Variants in GRM4 observed in about 807,000 individuals in gnomAD.
The protein encoded by GRM4 is glutamate metabotropic receptor 4.
A neutral mutation model predicts 81.7 loss-of-function variants in GRM4; 28 were observed. The ratio of observed to expected loss-of-function variants is 0.34; its 90% CI spans 0.25 to 0.47. GRM4 has a LOEUF of 0.47. Among genes scored for constraint, GRM4 ranks in the 20% least tolerant of loss-of-function variants. The pLI is 1.00. For missense variants in GRM4, 948 were observed against 1,290.0 expected (o/e 0.73, Z 4.06); for synonymous variants, 488 against 528.8 (o/e 0.92, Z 1.06).
rs1425246824 is a variant in GRM4, at chr6:34,114,767, C to T, written c.519+18211G>A. On this transcript the variant is annotated intron_variant, in intron 2 of 10. Transcript: ENST00000538487. The surrounding 1 kb of genome is among the most constrained non-coding windows in gnomAD (Gnocchi z 4.3). ...CCCTAGACCCTCACCTGTACCCCCT[C>T]ACAGCCCTCCCATACCCCAGTTTGA... Among the ~76,000 whole-genome samples, 2 of 152,184 alleles carry T rather than the reference C, an allele frequency of 1.3e-5. No homozygotes were observed. The highest frequency in any genetic ancestry group is 4.8e-5 in the African/African-American group (2 of 41,424).
At chr6:34,103,882 CAGAAGCCTGGGGAG>C in intron 2 of GRM4, 3 of 1,396,074 alleles carry the variant, frequency 2.1e-6, no homozygotes, top group Non-Finnish European at 2.8e-6. Flanking sequence ...ATGAGTGTTA[CAGAAGCCTGGGGAG>C]AGGGGAGGAA....
In GRM4 at chr6:34,145,429, A is replaced by T. The variant is rs903476191; in HGVS notation, c.-364+571T>A. Among the ~76,000 whole-genome samples the T allele has an allele frequency of 3.3e-5, 5 of 152,184 alleles. No homozygotes were observed. In the South Asian group the frequency reaches 1.0e-3, roughly 31 times the overall value. On this transcript the variant is annotated intron_variant, in intron 1 of 10. Transcript: ENST00000538487. ...AGCCGGAAGGAGCGGGAGAGGCGGC[A>T]AGAGGAGCTGGGTCTGGCCGAGAGC...
chr6:34,043,858 G>A (rs1765130672), intron 6 of GRM4, among the ~76,000 whole-genome samples: 1 of 152,146 alleles, frequency 6.6e-6, no homozygotes. Context: ...TAGGCCTCGG[G>A]TGCTGCCCTT....
At chr6:34,065,234 CAA>C (rs917671455) in intron 3 of GRM4, among the ~76,000 whole-genome samples, 1 of 152,116 alleles carries the variant, frequency 6.6e-6, no homozygotes, top group African/African-American at 2.4e-5. Flanking sequence ...GCTACAGACC[CAA>C]AGTCACACCA....
intron 6 of GRM4, among the ~76,000 whole-genome samples, chr6:34,044,392 A>G (rs763781170): frequency 2.6e-4 from 40 of 152,094 alleles, no homozygotes; most frequent in Admixed American, 6.5e-4. Flanking sequence ...ATAGACATAC[A>G]TACATACACA....
Position 34,068,158 on chromosome 6 carries a change from G to A in GRM4, c.737-6130C>T, listed in dbSNP as rs995895482. 6.6e-6 allele frequency among the ~76,000 whole-genome samples: 1 copy of A among 151,462 alleles called. No homozygotes were observed. Among genetic ancestry groups the A allele is most frequent in the African/African-American group, 2.4e-5 (1 of 40,970 alleles). On this transcript the variant is annotated intron_variant, in intron 3 of 10. Transcript: ENST00000538487. This position sits in a 1 kb window ranked among gnomAD's most constrained non-coding sequence, Gnocchi z 4.2. ...GCAGCATGACGTGCTGGAGGGAGAC[G>A]GGGGGGCTGCATCCCCTCAGCCCAC...
At position 34,070,015 on chromosome 6, in the gene GRM4, G is replaced by A. The variant is rs140155737; in HGVS notation, c.737-7987C>T. Among the ~76,000 whole-genome samples, 250 of 152,320 alleles carry A rather than the reference G, an allele frequency of 1.6e-3. No homozygotes were observed. Among genetic ancestry groups the A allele is most frequent in the Non-Finnish European group, 2.6e-3 (175 of 68,024 alleles). ...CGGCGGTAATCCACACTTGCTGGACGAATGGAGAACTGAGTTCCTGACTGA... is the reference window on the plus strand; with the variant it reads ...CGGCGGTAATCCACACTTGCTGGACAAATGGAGAACTGAGTTCCTGACTGA... On this transcript the variant is annotated intron_variant, in intron 3 of 10. Transcript: ENST00000538487. The surrounding 1 kb of genome is among the most constrained non-coding windows in gnomAD (Gnocchi z 4.6).
chr6:34,028,637 G>A (rs1042330026), intron 9 of GRM4, among the ~76,000 whole-genome samples: 16 of 152,202 alleles, frequency 1.1e-4, no homozygotes, highest in African/African-American at 3.9e-4. Context: ...ACCTCCTAGG[G>A]CTGTTGTGAG....
rs538691952 is a variant in GRM4 at position 34,020,141 on chromosome 6, G to A, written c.*2680C>T. On this transcript the variant is annotated 3_prime_UTR_variant, in exon 11 of 11. Coordinates refer to ENST00000538487, the MANE Select transcript of GRM4 (RefSeq NM_000841.4). Reference sequence around the variant, plus strand: ...CATTCTAACAGTCATTTTACTTTGGGACACAGTCTGCTGTATCTCCCCCAT... The same window carrying A: ...CATTCTAACAGTCATTTTACTTTGGAACACAGTCTGCTGTATCTCCCCCAT... The A allele has an allele frequency of 1.3e-5, 2 of 152,454 alleles. No homozygotes were observed. Among genetic ancestry groups the A allele is most frequent in the Admixed American group, 1.3e-4 (2 of 15,310 alleles). 9.4% of individuals were successfully genotyped at this position (152,454 alleles called of 1,614,324 possible).
At chr6:34,067,846 C>A (rs1766567043) in intron 3 of GRM4, among the ~76,000 whole-genome samples, 2 of 152,182 alleles carry the variant, frequency 1.3e-5, no homozygotes, top group South Asian at 4.1e-4. Flanking sequence ...CACACCCCCA[C>A]CGCACAACCC....
Position 34,133,409 on chromosome 6 carries a change from A to T in GRM4, c.88T>A (p.Ser30Thr). The T allele has an allele frequency of 6.2e-7, 1 of 1,613,342 alleles. No individual in the cohort carries two copies. Residue 30 changes from serine to threonine, a missense_variant, in exon 2 of 11, where the codon TCC (serine) becomes ACC (threonine). Coordinates refer to ENST00000538487, the MANE Select transcript of GRM4 (RefSeq NM_000841.4). The surrounding 1 kb of genome is among the most constrained non-coding windows in gnomAD (Gnocchi z 6.5). ...GGGTGGCCTTTGGGCTTTCCCAGGG[A>T]GGAAGGCATCCAGGGGCCGTAAAGG... The part of the protein sequence containing the change: ...LSLYGPWMPS[S>T]LGKPKGHPHM...
intron 2 of GRM4, among the ~76,000 whole-genome samples, chr6:34,129,253 G>T (rs2127509002): frequency 1.3e-5 from 2 of 152,310 alleles, no homozygotes; most frequent in South Asian, 4.1e-4. Flanking sequence ...GACCTCAGGT[G>T]ATCCACCCGC....
chr6:34,082,576 C>T (rs534865493), intron 3 of GRM4, among the ~76,000 whole-genome samples: 2 of 152,222 alleles, frequency 1.3e-5, no homozygotes, highest in Non-Finnish European at 2.9e-5. Context: ...CACAGCCGCC[C>T]AGGGACAAGA....
chr6:34,103,559 T>G, intron 2 of GRM4: 1 of 1,512,566 alleles, frequency 6.6e-7, no homozygotes, highest in Non-Finnish European at 8.9e-7. Flanking sequence ...AGGCGAAATG[T>G]AGATCAATAA....
chr6:34,036,279 GCA>G lies in GRM4; in HGVS notation c.1829_1830del (p.Val610AlafsTer14). On this transcript the variant is annotated frameshift_variant, in exon 9 of 11. Transcript: ENST00000538487. LOFTEE classifies it high-confidence loss of function. The surrounding 1 kb of genome is among the most constrained non-coding windows in gnomAD (Gnocchi z 9.0). The stretch of plus-strand genomic sequence containing the variant: ...TTGACGATGGGCGTGTCGTTGTAGC[GCA>G]CAAAGGTGATCACCACGAACAACGT... ...AATLFVVITF[V>X]RYNDTPIVKA... The G allele has an allele frequency of 6.2e-7, 1 of 1,614,086 alleles. No individual in the cohort carries two copies. Among genetic ancestry groups the G allele is most frequent in the Non-Finnish European group, 8.5e-7 (1 of 1,179,968 alleles).
chr6:34,036,298 G>C lies in GRM4; in HGVS notation c.1812C>G (p.Phe604Leu). 1 of 1,614,128 alleles carries C rather than the reference G, an allele frequency of 6.2e-7. No individual in the cohort carries two copies. Among genetic ancestry groups the C allele is most frequent in the Admixed American group, 1.7e-5 (1 of 60,028 alleles). The part of the protein sequence containing the change: ...LAVVGIAATL[F>L]VVITFVRYND... Reference sequence around the variant, plus strand: ...TGTAGCGCACAAAGGTGATCACCACGAACAACGTGGCAGCGATGCCCACCA... The same window carrying C: ...TGTAGCGCACAAAGGTGATCACCACCAACAACGTGGCAGCGATGCCCACCA... Residue 604 changes from phenylalanine to leucine, a missense_variant, in exon 9 of 11, where the codon TTC (phenylalanine) becomes TTG (leucine). Transcript: ENST00000538487. The surrounding 1 kb of genome is among the most constrained non-coding windows in gnomAD (Gnocchi z 9.0).
chr6:34,133,128 C>A lies in GRM4; in HGVS notation c.369G>T (p.Val123=). 1 of 1,614,052 alleles carries A rather than the reference C, an allele frequency of 6.2e-7. No homozygotes were observed. The highest frequency in any genetic ancestry group is 8.5e-7 in the Non-Finnish European group (1 of 1,179,944). ...TGCCATCCTTCTCGATGAGCGCCTG[C>A]ACAAAGGTCAGCGACTGCTCGAGGG... ...THALEQSLTF[V]QALIEKDGTE... Residue 123 remains valine, a synonymous_variant, in exon 2 of 11, where the codon GTG becomes GTT. Transcript: ENST00000538487. The surrounding 1 kb of genome is among the most constrained non-coding windows in gnomAD (Gnocchi z 6.5).
chr6:34,142,753 G>T (rs571581657), intron 1 of GRM4, among the ~76,000 whole-genome samples: 1 of 152,204 alleles, frequency 6.6e-6, no homozygotes, highest in South Asian at 2.1e-4. Flanking sequence ...TGTGCAAGGC[G>T]CTCCCTCTCA....
intron 6 of GRM4, among the ~76,000 whole-genome samples, chr6:34,041,479 C>T (rs1421634879): frequency 5.3e-5 from 8 of 152,188 alleles, no homozygotes; most frequent in African/African-American, 1.4e-4. Flanking sequence ...CCCAAGGCAC[C>T]GTGACCTGGG....
Sources: gnomAD v4.1 joint callset for allele counts (sites outside exome capture counted in the v4.1 genomes callset) on GRCh38, gnomAD v4.1.1 for gene constraint, Gnocchi (gnomAD v3.1) non-coding constraint, MANE v1.5 for transcripts, NCBI Gene and HGNC (gene_info 2026-07-23, HGNC 2026-07-21) for gene names.